The following RBFOX1 variants were observed in gnomAD, a reference collection of about 807,000 sequenced individuals.
RBFOX1 encodes the protein RNA binding fox-1 homolog 1.
In RBFOX1, 8 loss-of-function variants were observed where a neutral mutation model predicts 57.7. That is an observed-to-expected ratio of 0.14 (90% CI 0.08 to 0.25). The LOEUF (loss-of-function observed/expected upper bound fraction) is 0.25, where lower values mean the gene tolerates loss of function less well. Ranked by LOEUF, RBFOX1 falls within the 10% of genes least tolerant of loss-of-function variation. RBFOX1 has a pLI of 1.00. For missense variants in RBFOX1, 611 were observed against 548.5 expected, an observed-to-expected ratio of 1.11 and a Z score of -1.14; for synonymous variants, 326 against 222.4, an observed-to-expected ratio of 1.47 and a Z score of -4.15.
chr16:5,421,965 C>G (rs1389518992), intron 1 of RBFOX1, among the ~76,000 whole-genome samples: 1 of 152,152 alleles, frequency 6.6e-6, no homozygotes, highest in Non-Finnish European at 1.5e-5. Context: ...ATGCCTACTG[C>G]TAGTGGGAAT....
intron 4 of RBFOX1, among the ~76,000 whole-genome samples, chr16:7,484,525 C>G (rs113554254): frequency 6.6e-6 from 1 of 152,312 alleles, no homozygotes; most frequent in East Asian, 1.9e-4. Flanking sequence ...TGCACTGGCA[C>G]GATCTCAGCT....
At chr16:5,437,899 T>A (rs1017494624) in intron 1 of RBFOX1, among the ~76,000 whole-genome samples, 1 of 152,208 alleles carries the variant, frequency 6.6e-6, no homozygotes, top group African/African-American at 2.4e-5. Context: ...CGTTGTTGAT[T>A]GGCTGTTGAA....
intron 1 of RBFOX1, among the ~76,000 whole-genome samples, chr16:6,029,030 T>G (rs2095248030): frequency 6.6e-6 from 1 of 152,190 alleles, no homozygotes; most frequent in South Asian, 2.1e-4. Flanking sequence ...CAAGGATGGC[T>G]ACCTGGGAGT....
At chr16:5,991,748 A>G (rs2060403528) in intron 4 of RBFOX1, among the ~76,000 whole-genome samples, 1 of 151,456 alleles carries the variant, frequency 6.6e-6, no homozygotes, top group African/African-American at 2.4e-5. Context: ...CAGACCCGGG[A>G]AAATCCCAGC....
intron 3 of RBFOX1, among the ~76,000 whole-genome samples, chr16:6,739,478 C>G (rs531781006): frequency 8.1e-6 from 1 of 123,608 alleles, no homozygotes; most frequent in African/African-American, 2.9e-5. Flanking sequence ...TTAACATCCC[C>G]CCTCCCCCCA....
chr16:7,025,287 G>C (rs751304357), intron 3 of RBFOX1, among the ~76,000 whole-genome samples: 1 of 152,064 alleles, frequency 6.6e-6, no homozygotes, highest in African/African-American at 2.4e-5. Context: ...CTATCATGGC[G>C]CTCGTGAGTA....
intron 1 of RBFOX1, among the ~76,000 whole-genome samples, chr16:5,285,076 C>G (rs1329839264): frequency 6.6e-6 from 1 of 152,128 alleles, no homozygotes; most frequent in African/African-American, 2.4e-5. Flanking sequence ...CATCTCATCT[C>G]CATCTGGAAC....
chr16:5,417,036 A>G (rs148697098), intron 1 of RBFOX1, among the ~76,000 whole-genome samples: 5 of 152,370 alleles, frequency 3.3e-5, no homozygotes, highest in African/African-American at 1.2e-4. Context: ...AAGATTCAGT[A>G]GAACAACAAC....
Position 6,904,323 on chromosome 16 carries a change from A to G in RBFOX1, c.-15-147734A>G, listed in dbSNP as rs372775840. ...TATGAAACCCATCCATCTTTAGGCCAGGTGGGCTGGCTCATGCCTGTAATC... is the reference window on the plus strand; with the variant it reads ...TATGAAACCCATCCATCTTTAGGCCGGGTGGGCTGGCTCATGCCTGTAATC... On this transcript the variant is annotated intron_variant, in intron 3 of 15. Coordinates refer to ENST00000550418, the MANE Select transcript of RBFOX1 (RefSeq NM_018723.4). Among the ~76,000 whole-genome samples, 18 of 152,126 alleles carry G rather than the reference A, an allele frequency of 1.2e-4. No individual in the cohort carries two copies. The East Asian group carries it at 2.7e-3, about 23-fold the overall frequency.
At chr16:6,545,974 G>A (rs2096889268) in intron 2 of RBFOX1, among the ~76,000 whole-genome samples, 1 of 152,142 alleles carries the variant, frequency 6.6e-6, no homozygotes, top group African/African-American at 2.4e-5. Context: ...GCAATCTTTT[G>A]GCTTCTCTGG....
chr16:7,709,851 G>C, intron 15 of RBFOX1: 2 of 1,210,508 alleles, frequency 1.7e-6, no homozygotes, highest in Non-Finnish European at 2.1e-6. Flanking sequence ...ACAGTAAGAC[G>C]TGCCCATCAC....
intron 14 of RBFOX1, among the ~76,000 whole-genome samples, chr16:7,698,493 C>A (rs923443797): frequency 8.5e-5 from 13 of 152,214 alleles, no homozygotes; most frequent in Admixed American, 2.0e-4. Context: ...AAGGAGGTGT[C>A]ACCAGCGCCT....
intron 3 of RBFOX1, among the ~76,000 whole-genome samples, chr16:6,793,963 A>G (rs1157972797): frequency 6.6e-6 from 1 of 152,138 alleles, no homozygotes; most frequent in East Asian, 1.9e-4. Context: ...GAGGGTGGTA[A>G]TACAGCAAGT....
intron 2 of RBFOX1, among the ~76,000 whole-genome samples, chr16:6,487,028 C>T (rs563597944): frequency 2.6e-5 from 4 of 151,990 alleles, no homozygotes; most frequent in East Asian, 1.9e-4. Flanking sequence ...TGGAAACCAT[C>T]GCATATTAAA....
chr16:5,375,818 A>G (rs1283527616), intron 1 of RBFOX1, among the ~76,000 whole-genome samples: 6 of 152,224 alleles, frequency 3.9e-5, no homozygotes. Flanking sequence ...TTGTTAAACT[A>G]ACTAAAGGCT....
chr16:7,416,256 C>G (rs1226521168), intron 4 of RBFOX1, among the ~76,000 whole-genome samples: 1 of 152,230 alleles, frequency 6.6e-6, no homozygotes, highest in East Asian at 1.9e-4. Flanking sequence ...CCCTCGCTCT[C>G]CCTTTCTGTG....
chr16:5,727,736 TGAGTA>T (rs1370208950), intron 3 of RBFOX1, among the ~76,000 whole-genome samples: 1 of 152,204 alleles, frequency 6.6e-6, no homozygotes, highest in Non-Finnish European at 1.5e-5. Flanking sequence ...TCACCCAGGT[TGAGTA>T]CAGTGGTGTT....
At chr16:6,999,256 C>G (rs1432145391) in intron 3 of RBFOX1, among the ~76,000 whole-genome samples, 1 of 125,064 alleles carries the variant, frequency 8.0e-6, no homozygotes, top group Non-Finnish European at 1.7e-5. Context: ...TCAGGTCTCA[C>G]TTGTTGATCA....
intron 12 of RBFOX1, among the ~76,000 whole-genome samples, chr16:7,660,711 C>T (rs867491011): frequency 1.3e-5 from 2 of 152,200 alleles, no homozygotes; most frequent in Non-Finnish European, 2.9e-5. Context: ...CATCTGTTAA[C>T]TTGTTAGAAA....
Sources: allele counts gnomAD v4.1 joint callset (sites outside exome capture counted in the v4.1 genomes callset), GRCh38; gene constraint gnomAD v4.1.1; transcripts MANE v1.5; gene names NCBI Gene and HGNC (gene_info 2026-07-23, HGNC 2026-07-21).